BCAS3: variants seen among roughly 807,000 people sequenced by gnomAD.
The protein encoded by BCAS3 is BCAS3 microtubule associated cell migration factor, also known as BCAS4/BCAS3 fusion.
Under a neutral mutation model 116.1 loss-of-function variants are expected in BCAS3, and 53 were observed. That is an observed-to-expected ratio of 0.46 (90% CI 0.37 to 0.57). BCAS3 has a LOEUF of 0.57. Ranked by LOEUF, BCAS3 falls within the 20% of genes least tolerant of loss-of-function variation. The pLI is 0.00. For synonymous variants in BCAS3, 391 were observed against 408.2 expected (o/e 0.96, Z 0.51); for missense variants, 917 against 1,165.4 (o/e 0.79, Z 3.10).
intron 1 of BCAS3, among the ~76,000 whole-genome samples, chr17:60,678,565 A>G (rs1191365783): frequency 6.6e-6 from 1 of 152,106 alleles, no homozygotes; most frequent in African/African-American, 2.4e-5. Flanking sequence ...ATGTGACGGG[A>G]AAGGGTAAAG....
chr17:61,365,613 C>T lies in BCAS3; in HGVS notation c.2426-2714C>T, dbSNP rs1216888349. On this transcript the variant is annotated intron_variant, in intron 22 of 23. Coordinates refer to ENST00000407086, the MANE Select transcript of BCAS3 (RefSeq NM_017679.5). The surrounding 1 kb of genome is among the most constrained non-coding windows in gnomAD (Gnocchi z 4.6). Reference sequence around the variant, plus strand: ...CCTCCCAAAGTGCTGGGATTACAGGCGTGAGCCACCGTGCCTGGCCCAATT... The same window carrying T: ...CCTCCCAAAGTGCTGGGATTACAGGTGTGAGCCACCGTGCCTGGCCCAATT... 4.0e-5 allele frequency among the ~76,000 whole-genome samples: 6 copies of T among 151,884 alleles called. No individual in the cohort carries two copies. In the South Asian group the frequency reaches 1.0e-3, roughly 27 times the overall value.
At chr17:60,981,841 G>T (rs778193359) in intron 14 of BCAS3, among the ~76,000 whole-genome samples, 1 of 152,110 alleles carries the variant, frequency 6.6e-6, no homozygotes, top group East Asian at 1.9e-4. Context: ...CATATAGCTT[G>T]TAAGTAGTAG....
chr17:60,771,237 AT>A (rs542036919), intron 6 of BCAS3, among the ~76,000 whole-genome samples: 4 of 149,914 alleles, frequency 2.7e-5, no homozygotes, highest in East Asian at 2.0e-4. Context: ...CTTCGTTTCT[AT>A]TTTTTTTTCA....
chr17:61,071,949 GA>G (rs1419848526), intron 19 of BCAS3, among the ~76,000 whole-genome samples: 2 of 152,044 alleles, frequency 1.3e-5, no homozygotes, highest in African/African-American at 4.8e-5. Context: ...ATCAAACATG[GA>G]AAAAATGGTG....
chr17:61,243,499 C>A lies in BCAS3; in HGVS notation c.2426-124828C>A, dbSNP rs999618931. 6.6e-6 allele frequency among the ~76,000 whole-genome samples: 1 copy of A among 152,050 alleles called. No individual in the cohort carries two copies. Among genetic ancestry groups the A allele is most frequent in the Admixed American group, 6.6e-5 (1 of 15,266 alleles). ...ATTTCAGTTCCTTTTGATATATACA[C>A]CCAGCAGTGGGACTGCTGGGTCATA... On this transcript the variant is annotated intron_variant, in intron 22 of 23. Coordinates refer to ENST00000407086, the MANE Select transcript of BCAS3 (RefSeq NM_017679.5). The surrounding 1 kb of genome is among the most constrained non-coding windows in gnomAD (Gnocchi z 5.6).
chr17:60,948,207 C>G (rs142246625), intron 14 of BCAS3, among the ~76,000 whole-genome samples: 327 of 152,094 alleles, frequency 2.1e-3, no homozygotes, highest in African/African-American at 7.2e-3. Context: ...CTCCCGGGTT[C>G]GAGCAATTTT....
At chr17:61,247,808 C>G (rs1046298121) in intron 22 of BCAS3, among the ~76,000 whole-genome samples, 4 of 152,154 alleles carry the variant, frequency 2.6e-5, no homozygotes, top group Non-Finnish European at 5.9e-5. Context: ...ACCATCAGGC[C>G]CCCGCCTCTA....
rs1360359221 is a variant in BCAS3 at position 61,365,420 on chromosome 17, G to A, written c.2426-2907G>A. Among the ~76,000 whole-genome samples the A allele has an allele frequency of 1.3e-5, 2 of 152,118 alleles. No homozygotes were observed. The highest frequency in any genetic ancestry group is 2.9e-5 in the Non-Finnish European group (2 of 68,032). On this transcript the variant is annotated intron_variant, in intron 22 of 23. Coordinates refer to ENST00000407086, the MANE Select transcript of BCAS3 (RefSeq NM_017679.5). This position sits in a 1 kb window ranked among gnomAD's most constrained non-coding sequence, Gnocchi z 4.6. ...TCAATCTCGGCTCACTGCAACCTCT[G>A]CCTCCCAGGTTCAAATGATTCTCCT...
intron 22 of BCAS3, among the ~76,000 whole-genome samples, chr17:61,341,023 G>C (rs894028048): frequency 1.3e-5 from 2 of 152,218 alleles, no homozygotes; most frequent in Non-Finnish European, 2.9e-5. Flanking sequence ...GTCAGGGCCT[G>C]AGAGGCCAGG....
At chr17:60,894,583 G>C (rs2057388822) in intron 10 of BCAS3, among the ~76,000 whole-genome samples, 1 of 152,052 alleles carries the variant, frequency 6.6e-6, no homozygotes, top group Non-Finnish European at 1.5e-5. Context: ...TTGTTGCTTT[G>C]GCTGGGACTT....
intron 11 of BCAS3, among the ~76,000 whole-genome samples, chr17:60,903,014 A>C (rs2057995916): frequency 6.6e-6 from 1 of 152,200 alleles, no homozygotes; most frequent in Non-Finnish European, 1.5e-5. Context: ...TCCCTATGAA[A>C]ACTTGAGTCA....
intron 6 of BCAS3, among the ~76,000 whole-genome samples, chr17:60,770,896 G>A (rs2044633893): frequency 7.6e-6 from 1 of 131,158 alleles, no homozygotes; most frequent in South Asian, 2.6e-4. Context: ...CACGCAGGCT[G>A]GAGGGCAGTG....
chr17:61,388,513 T>C lies in BCAS3; in HGVS notation c.2594-3464T>C. ...ACTCCCCCTCCTCACGGTGTGCCCC[T>C]GCGCCTCCTGACACCTCTCCACCTG... On this transcript the variant is annotated intron_variant, in intron 23 of 23. Transcript: ENST00000407086. The surrounding 1 kb of genome is among the most constrained non-coding windows in gnomAD (Gnocchi z 6.5). 9.3e-7 allele frequency: 1 copy of C among 1,070,754 alleles called. No homozygotes were observed. The highest frequency in any genetic ancestry group is 1.3e-6 in the Non-Finnish European group (1 of 747,918). The allele number at this position is 1,070,754 out of a possible 1,614,324, so 66.3% of individuals were successfully genotyped here. A position where few individuals can be genotyped will look rare whatever the true frequency, so the allele number is the denominator to read the frequency against.
chr17:61,041,242 A>G lies in BCAS3; in HGVS notation c.2029+350A>G, dbSNP rs867995948. On this transcript the variant is annotated intron_variant, in intron 19 of 23. Transcript: ENST00000407086. This position sits in a 1 kb window ranked among gnomAD's most constrained non-coding sequence, Gnocchi z 4.7. Reference sequence around the variant, plus strand: ...AGCTTGGAATCTGTTTCTAACATGGAAAAAAAAAAACCCCAAAACTTAGCA... The same window carrying G: ...AGCTTGGAATCTGTTTCTAACATGGGAAAAAAAAAACCCCAAAACTTAGCA... 1.6e-5 allele frequency among the ~76,000 whole-genome samples: 2 copies of G among 122,042 alleles called. No homozygotes were observed. Among genetic ancestry groups the G allele is most frequent in the Admixed American group, 1.5e-4 (2 of 13,498 alleles). 80.1% of individuals were successfully genotyped at this position (122,042 alleles called of 152,430 possible). A position where few individuals can be genotyped will look rare whatever the true frequency, so the allele number is the denominator to read the frequency against.
rs1211276778 is a variant in BCAS3 at position 61,354,905 on chromosome 17, C to T, written c.2426-13422C>T. 1 of 152,338 alleles carries T rather than the reference C, an allele frequency of 6.6e-6. No homozygotes were observed. The highest frequency in any genetic ancestry group is 1.9e-4 in the East Asian group (1 of 5,194). 9.4% of individuals were successfully genotyped at this position (152,338 alleles called of 1,614,324 possible). A position where few individuals can be genotyped will look rare whatever the true frequency, so the allele number is the denominator to read the frequency against. ...AGTACCGGCAGGCACATCCGGGACC[C>T]TCCCCTTCAGGGCAGGTGGACTCCT... On this transcript the variant is annotated intron_variant, in intron 22 of 23. Transcript: ENST00000407086. The surrounding 1 kb of genome is among the most constrained non-coding windows in gnomAD (Gnocchi z 4.5).
chr17:60,858,704 G>GTA (rs2053894067), intron 7 of BCAS3, among the ~76,000 whole-genome samples: 1 of 152,064 alleles, frequency 6.6e-6, no homozygotes, highest in Non-Finnish European at 1.5e-5. Context: ...TGCGTCTCCA[G>GTA]CAGTAATGTG....
intron 10 of BCAS3, among the ~76,000 whole-genome samples, chr17:60,894,770 C>T (rs778580620): frequency 2.0e-5 from 3 of 152,122 alleles, no homozygotes; most frequent in Non-Finnish European, 4.4e-5. Flanking sequence ...GAGTTTTTAT[C>T]ATGAAGGGAT....
intron 14 of BCAS3, among the ~76,000 whole-genome samples, chr17:60,975,741 A>G (rs1280135032): frequency 3.3e-5 from 5 of 152,140 alleles, no homozygotes; most frequent in African/African-American, 9.7e-5. Flanking sequence ...TATTTTCTGT[A>G]TCTGTGGATT....
At chr17:60,710,887 C>T (rs2144021215) in intron 5 of BCAS3, among the ~76,000 whole-genome samples, 1 of 151,300 alleles carries the variant, frequency 6.6e-6, no homozygotes, top group Non-Finnish European at 1.5e-5. Flanking sequence ...ACTCTATCCT[C>T]CACCTCCTGG....
Sources: allele counts gnomAD v4.1 joint callset (sites outside exome capture counted in the v4.1 genomes callset), GRCh38; gene constraint gnomAD v4.1.1; non-coding constraint Gnocchi (gnomAD v3.1); transcripts MANE v1.5; gene names NCBI Gene and HGNC (gene_info 2026-07-23, HGNC 2026-07-21).